EBF2: variants seen among roughly 807,000 people sequenced by gnomAD.
EBF2 encodes the protein transcription factor COE2.
Under a neutral mutation model 72.8 loss-of-function variants are expected in EBF2, and 21 were observed. The observed-to-expected ratio is 0.29, with a 90% confidence interval of 0.20 to 0.42. EBF2 has a LOEUF of 0.42. Ranked by LOEUF, EBF2 falls within the 10% of genes least tolerant of loss-of-function variation. The pLI is 1.00. For synonymous variants in EBF2, 299 were observed against 274.2 expected (o/e 1.09, Z -0.89); for missense variants, 637 against 731.2 (o/e 0.87, Z 1.49).
chr8:25,858,414 C>T lies in EBF2; in HGVS notation c.1433G>A (p.Ser478Asn). ...GGGGACATTGCTGTAGCCATTCATA[C>T]TGTTGCTGGAGGTACTGTAATTAGA... ...QQSNYSTSSN[S>N]MNGYSNVPMA... Residue 478 changes from serine (S) to asparagine (N), a missense_variant, in exon 14 of 16, where the codon AGT (serine) becomes AAT (asparagine). Physicochemically the swap from Ser to Asn is conservative, Grantham distance 46. Around this residue, in one of 3 missense-constraint regions of EBF2, gnomAD observed 259 missense variants for 268.1 expected, o/e 0.97. Transcript: ENST00000520164. 5.6e-6 allele frequency: 9 copies of T among 1,614,154 alleles called. No individual in the cohort carries two copies. The highest frequency in any genetic ancestry group is 7.6e-6 in the Non-Finnish European group (9 of 1,180,028).
intron 2 of EBF2, chr8:26,041,257 C>T (rs899786013): frequency 5.5e-6 from 3 of 547,854 alleles, no homozygotes; most frequent in East Asian, 3.1e-5. Context: ...AGAAGTGTGA[C>T]CCTTGAGCTT....
chr8:25,904,385 G>GAACA (rs879548576), intron 7 of EBF2, among the ~76,000 whole-genome samples: 1,890 of 151,818 alleles, frequency 0.012, 18 homozygotes, highest in Non-Finnish European at 0.019. Flanking sequence ...AACAATTTTG[G>GAACA]TCTGATTGGA....
chr8:25,876,113 G>A (rs1802516675), intron 10 of EBF2, among the ~76,000 whole-genome samples: 1 of 152,142 alleles, frequency 6.6e-6, no homozygotes, highest in Non-Finnish European at 1.5e-5. Context: ...ATATTTGCAG[G>A]GACATGGATG....
intron 6 of EBF2, among the ~76,000 whole-genome samples, chr8:25,987,880 C>G (rs1329965700): frequency 1.3e-5 from 2 of 152,086 alleles, no homozygotes; most frequent in East Asian, 3.9e-4. Context: ...CAGGTATATA[C>G]TACAGTAATA....
In EBF2 at chr8:26,005,486, A is replaced by ATATAATATATATTTTATAATATATAT. The variant is rs1585224256; in HGVS notation, c.551+27598_551+27599insATATATATTATAAAATATATATTATA. ...TATAAAATATAATATTATTTATAAA[A>ATATAATATATATTTTATAATATATAT]TATATATTATAAAATATAATATATA... is the stretch of plus-strand genomic sequence containing the variant. On this transcript the variant is annotated intron_variant, in intron 6 of 15. Transcript: ENST00000520164. Among the ~76,000 whole-genome samples the ATATAATATATATTTTATAATATATAT allele has an allele frequency of 2.5e-3, 106 of 42,116 alleles. 14 individuals carry two copies. The East Asian group carries it at 0.11, about 44-fold the overall frequency. 27.6% of individuals were successfully genotyped at this position (42,116 alleles called of 152,430 possible).
At chr8:25,902,868 T>A (rs911899511) in intron 7 of EBF2, among the ~76,000 whole-genome samples, 1 of 152,048 alleles carries the variant, frequency 6.6e-6, no homozygotes, top group East Asian at 1.9e-4. Flanking sequence ...GGGGTGAACA[T>A]ATGGAAAGCT....
intron 6 of EBF2, among the ~76,000 whole-genome samples, chr8:25,924,455 G>T (rs191177581): frequency 6.6e-6 from 1 of 152,164 alleles, no homozygotes; most frequent in Non-Finnish European, 1.5e-5. Context: ...GAAGGAGGGC[G>T]CGATGGATGG....
intron 6 of EBF2, among the ~76,000 whole-genome samples, chr8:26,030,196 G>A (rs1472826372): frequency 2.6e-5 from 4 of 152,210 alleles, no homozygotes; most frequent in Non-Finnish European, 4.4e-5. Context: ...ATTCAGGAGC[G>A]ATGAGACAAG....
chr8:25,855,633 A>C (rs1244892751), intron 14 of EBF2, among the ~76,000 whole-genome samples: 1 of 152,194 alleles, frequency 6.6e-6, no homozygotes, highest in African/African-American at 2.4e-5. Flanking sequence ...TGAATTGACA[A>C]AATGTTTTCC....
chr8:25,932,419 T>C (rs1176084099), intron 6 of EBF2, among the ~76,000 whole-genome samples: 1 of 151,560 alleles, frequency 6.6e-6, no homozygotes, highest in Admixed American at 6.6e-5. Flanking sequence ...GGGATGCTAC[T>C]GAATCTGGAG....
chr8:25,950,196 G>A (rs1481290687), intron 6 of EBF2, among the ~76,000 whole-genome samples: 1 of 152,168 alleles, frequency 6.6e-6, no homozygotes, highest in East Asian at 1.9e-4. Context: ...CAGAATGTTC[G>A]CTAGATTACA....
At chr8:25,862,565 A>G in intron 11 of EBF2, 144 bp downstream of exon 11, 1 of 456,146 alleles carries the variant, frequency 2.2e-6, no homozygotes, top group Non-Finnish European at 3.9e-6. Flanking sequence ...TTCATAGCAG[A>G]TATTTTATGT....
At chr8:25,882,176 T>G (rs1166614677) in intron 10 of EBF2, among the ~76,000 whole-genome samples, 1 of 151,938 alleles carries the variant, frequency 6.6e-6, no homozygotes, top group Non-Finnish European at 1.5e-5. Flanking sequence ...GCTGTAAAAT[T>G]TACCCCTAGA....
intron 6 of EBF2, among the ~76,000 whole-genome samples, chr8:26,013,614 TG>T (rs2117236810): frequency 6.6e-6 from 1 of 152,164 alleles, no homozygotes; most frequent in Admixed American, 6.5e-5. Context: ...AATAGCAAAT[TG>T]AGGTGCTCCA....
chr8:25,957,508 A>G (rs891115737), intron 6 of EBF2, among the ~76,000 whole-genome samples: 2 of 152,058 alleles, frequency 1.3e-5, no homozygotes, highest in African/African-American at 2.4e-5. Flanking sequence ...CTGCCTGTGG[A>G]GCAACAGTGT....
At chr8:26,030,382 CTCA>C (rs1384911076) in intron 6 of EBF2, among the ~76,000 whole-genome samples, 16 of 150,670 alleles carry the variant, frequency 1.1e-4, no homozygotes, top group Non-Finnish European at 3.0e-5. Context: ...AGGACATGAA[CTCA>C]TCATACAGGA....
Position 26,028,842 on chromosome 8 carries a change from G to GT in EBF2, c.551+4242dup, listed in dbSNP as rs569074407. 2.6e-3 allele frequency among the ~76,000 whole-genome samples: 399 copies of GT among 152,232 alleles called. 3 individuals carry two copies. Among genetic ancestry groups the GT allele is most frequent in the African/African-American group, 8.7e-3 (360 of 41,520 alleles). On this transcript the variant is annotated intron_variant, in intron 6 of 15. Coordinates refer to ENST00000520164, the MANE Select transcript of EBF2 (RefSeq NM_022659.4). ...CTGTTTTGTTCTGTTCTGTTTTGTG[G>GT]TTTTTTCCCCTGATGGGGACTTTGG...
intron 6 of EBF2, among the ~76,000 whole-genome samples, chr8:25,937,561 T>C (rs1414628943): frequency 6.6e-6 from 1 of 152,202 alleles, no homozygotes; most frequent in Non-Finnish European, 1.5e-5. Flanking sequence ...ACATGGGCGA[T>C]GGGGCGGGGG....
chr8:25,847,976 T>C (rs1263831017), intron 15 of EBF2, among the ~76,000 whole-genome samples: 1 of 152,004 alleles, frequency 6.6e-6, no homozygotes, highest in Non-Finnish European at 1.5e-5. Flanking sequence ...CTAGAGAACT[T>C]ATCCATGTAA....
Sources: gnomAD v4.1 joint callset for allele counts (sites outside exome capture counted in the v4.1 genomes callset) on GRCh38, gnomAD v4.1.1 for gene constraint, gnomAD v4.1.1 regional missense constraint, MANE v1.5 for transcripts, NCBI Gene and HGNC (gene_info 2026-07-23, HGNC 2026-07-21) for gene names.